KIAA1217: variants seen among roughly 807,000 people sequenced by gnomAD.
The protein encoded by KIAA1217 is KIAA1217.
KIAA1217 carries 88 observed loss-of-function variants against 163.9 expected under a neutral mutation model. The observed-to-expected ratio is 0.54, with a 90% confidence interval of 0.45 to 0.64. KIAA1217 has a LOEUF of 0.64. Ranked by LOEUF, KIAA1217 falls within the 30% of genes least tolerant of loss-of-function variation. The pLI is 0.00. For missense variants in KIAA1217, 2,372 were observed against 2,475.0 expected, an observed-to-expected ratio of 0.96 and a Z score of 0.88; for synonymous variants, 903 against 923.1, an observed-to-expected ratio of 0.98 and a Z score of 0.39.
rs1554918365 is a variant in KIAA1217 at position 24,511,172 on chromosome 10, A to AAAAAAG, written c.2002-2086_2002-2085insAAAAGA. Reference sequence around the variant, plus strand: ...TGTCTCAAAAAAAAAAAAAAAAAAAAAGGAGCCTGGCCCCTATGAAGAACT... The same window carrying AAAAAAG: ...TGTCTCAAAAAAAAAAAAAAAAAAAAAAAAAGAGGAGCCTGGCCCCTATGAAGAACT... On this transcript the variant is annotated intron_variant, in intron 9 of 20. Coordinates refer to ENST00000376454, the MANE Select transcript of KIAA1217 (RefSeq NM_019590.5). 9.4e-4 allele frequency among the ~76,000 whole-genome samples: 109 copies of AAAAAAG among 115,670 alleles called. 9 individuals are homozygous for AAAAAAG. The highest frequency in any genetic ancestry group is 1.4e-3 in the Non-Finnish European group (87 of 60,022). The allele number at this position is 115,670 out of a possible 152,430, so 75.9% of individuals were successfully genotyped here. A position where few individuals can be genotyped will look rare whatever the true frequency, so the allele number is the denominator to read the frequency against.
chr10:24,438,747 T>G (rs2131985026), intron 5 of KIAA1217, among the ~76,000 whole-genome samples: 1 of 152,308 alleles, frequency 6.6e-6, no homozygotes, highest in African/African-American at 2.4e-5. Context: ...TCTGAAAATC[T>G]TCCTATAAAA....
intron 1 of KIAA1217, among the ~76,000 whole-genome samples, chr10:23,828,306 C>G (rs969572105): frequency 5.3e-5 from 8 of 152,088 alleles, no homozygotes; most frequent in Admixed American, 5.2e-4. Flanking sequence ...AGGAACACAT[C>G]CTCTGATACA....
Position 24,311,233 on chromosome 10 carries a change from C to T in KIAA1217, c.355-69636C>T, listed in dbSNP as rs1011866590. 3.3e-5 allele frequency among the ~76,000 whole-genome samples: 5 copies of T among 152,114 alleles called. No individual in the cohort carries two copies. In the East Asian group the frequency reaches 9.6e-4, roughly 29 times the overall value. On this transcript the variant is annotated intron_variant, in intron 2 of 20. Transcript: ENST00000376454. Reference sequence around the variant, plus strand: ...CTCAGGATCGGACATGTGTTAGTTCCCAGCCTGTGTCCTGTGACACCTTGG... The same window carrying T: ...CTCAGGATCGGACATGTGTTAGTTCTCAGCCTGTGTCCTGTGACACCTTGG...
At chr10:23,849,490 T>G (rs1429990164) in intron 1 of KIAA1217, among the ~76,000 whole-genome samples, 1 of 152,024 alleles carries the variant, frequency 6.6e-6, no homozygotes, top group African/African-American at 2.4e-5. Context: ...ACAGTGTTGC[T>G]CCATCAATCC....
chr10:23,804,727 C>A (rs1389460233), intron 1 of KIAA1217, among the ~76,000 whole-genome samples: 1 of 152,084 alleles, frequency 6.6e-6, no homozygotes, highest in Non-Finnish European at 1.5e-5. Context: ...ATATTTATGG[C>A]ATATGTCAAT....
At chr10:24,406,392 A>AACACACACACACACACACACACACACAC (rs34564889) in intron 3 of KIAA1217, among the ~76,000 whole-genome samples, 2 of 133,808 alleles carry the variant, frequency 1.5e-5, no homozygotes, top group Admixed American at 7.3e-5. Context: ...TTCACACACA[A>AACACACACACACACACACACACACACAC]ACACACACAC....
intron 2 of KIAA1217, among the ~76,000 whole-genome samples, chr10:24,298,170 C>G (rs774075801): frequency 1.3e-5 from 2 of 152,126 alleles, no homozygotes. Context: ...AGTAATGTCT[C>G]TGCTCATATC....
chr10:23,894,664 A>G (rs1384731663), intron 1 of KIAA1217, among the ~76,000 whole-genome samples: 3 of 149,122 alleles, frequency 2.0e-5, no homozygotes, highest in African/African-American at 4.9e-5. Flanking sequence ...TGGAACCAAA[A>G]AAGAGCCCGC....
chr10:24,101,772 T>TCA (rs2062426399), intron 2 of KIAA1217, among the ~76,000 whole-genome samples: 1 of 152,234 alleles, frequency 6.6e-6, no homozygotes, highest in South Asian at 2.1e-4. Context: ...CTTGTGCTTT[T>TCA]CATTGTGTTT....
intron 2 of KIAA1217, among the ~76,000 whole-genome samples, chr10:24,197,447 G>C (rs2067042362): frequency 6.6e-6 from 1 of 152,234 alleles, no homozygotes; most frequent in Non-Finnish European, 1.5e-5. Context: ...AAACCTATTA[G>C]AGCAGTGAAC....
chr10:24,072,467 G>A (rs1250634452), intron 2 of KIAA1217, among the ~76,000 whole-genome samples: 1 of 152,102 alleles, frequency 6.6e-6, no homozygotes, highest in Non-Finnish European at 1.5e-5. Flanking sequence ...GCATGTATTA[G>A]GTAAACATAA....
At chr10:23,934,958 A>G (rs1040690450) in intron 1 of KIAA1217, among the ~76,000 whole-genome samples, 2 of 151,974 alleles carry the variant, frequency 1.3e-5, no homozygotes, top group Non-Finnish European at 2.9e-5. Flanking sequence ...AAACACTAAA[A>G]ACAAATGCAA....
intron 2 of KIAA1217, among the ~76,000 whole-genome samples, chr10:24,340,512 C>A (rs1181099318): frequency 1.3e-5 from 2 of 152,108 alleles, no homozygotes; most frequent in Non-Finnish European, 2.9e-5. Context: ...TAGAAATTAC[C>A]CAGTCTTGGT....
chr10:23,851,721 G>A (rs1300191471), intron 1 of KIAA1217, among the ~76,000 whole-genome samples: 7 of 152,150 alleles, frequency 4.6e-5, no homozygotes, highest in African/African-American at 1.7e-4. Context: ...GGCGTGAGAT[G>A]GTATCTCATT....
intron 3 of KIAA1217, among the ~76,000 whole-genome samples, chr10:24,419,186 A>G (rs1397524626): frequency 6.6e-6 from 1 of 151,644 alleles, no homozygotes; most frequent in Non-Finnish European, 1.5e-5. Flanking sequence ...AAAAAAAAAA[A>G]AAAAGAAAGA....
At chr10:23,704,175 T>TATATATAC (rs1450647325) in intron 1 of KIAA1217, among the ~76,000 whole-genome samples, 2 of 32,296 alleles carry the variant, frequency 6.2e-5, no homozygotes, top group Non-Finnish European at 1.4e-4. Context: ...TGTGTGTGTA[T>TATATATAC]ATATATATAT....
intron 2 of KIAA1217, among the ~76,000 whole-genome samples, chr10:24,328,819 T>G (rs144664771): frequency 2.6e-5 from 4 of 152,094 alleles, no homozygotes; most frequent in Admixed American, 6.6e-5. Context: ...ACCATTCTGC[T>G]GGAATCCCAG....
intron 1 of KIAA1217, among the ~76,000 whole-genome samples, chr10:23,973,778 T>C (rs953194223): frequency 3.7e-4 from 57 of 152,032 alleles, no homozygotes; most frequent in Admixed American, 3.4e-3. Context: ...ATTTCACATG[T>C]CTGTCAGCAA....
chr10:24,420,639 G>T (rs947099831), intron 3 of KIAA1217, among the ~76,000 whole-genome samples: 1 of 152,088 alleles, frequency 6.6e-6, no homozygotes, highest in African/African-American at 2.4e-5. Context: ...TTGTTTATGC[G>T]AAGTTTTAGA....
Sources: allele counts gnomAD v4.1 joint callset (sites outside exome capture counted in the v4.1 genomes callset), GRCh38; gene constraint gnomAD v4.1.1; transcripts MANE v1.5; gene names NCBI Gene and HGNC (gene_info 2026-07-23, HGNC 2026-07-21).